Variants in MYO3B observed in about 807,000 individuals in gnomAD.
MYO3B encodes myosin IIIB, also known as myosin-IIIb.
Under a neutral mutation model 174.6 loss-of-function variants are expected in MYO3B, and 156 were observed. That is an observed-to-expected ratio of 0.89 (90% CI 0.78 to 1.02). The LOEUF (loss-of-function observed/expected upper bound fraction) is 1.02. Among genes scored for constraint, MYO3B ranks in the 50% least tolerant of loss-of-function variants. The pLI is 0.00. For synonymous variants in MYO3B, 563 were observed against 569.1 expected (o/e 0.99, Z 0.15); for missense variants, 1,632 against 1,639.4 (o/e 1.00, Z 0.08).
intron 7 of MYO3B, among the ~76,000 whole-genome samples, chr2:170,266,209 A>T (rs2093382025): frequency 6.6e-6 from 1 of 152,196 alleles, no homozygotes; most frequent in South Asian, 2.1e-4. Context: ...AGCCTCATGT[A>T]TATAGCTCCC....
intron 7 of MYO3B, chr2:170,334,096 A>G (rs2093930513): frequency 6.6e-6 from 1 of 152,182 alleles, no homozygotes; most frequent in African/African-American, 2.4e-5. Flanking sequence ...TGATGTCCAC[A>G]ATGGCTGCTC....
intron 24 of MYO3B, 71 bp downstream of exon 24, chr2:170,463,516 C>G: frequency 7.5e-7 from 1 of 1,326,018 alleles, no homozygotes; most frequent in Non-Finnish European, 1.1e-6. Context: ...TATGAGATGC[C>G]CAGATGGAGT....
chr2:170,392,217 C>T (rs1179191906), intron 15 of MYO3B, among the ~76,000 whole-genome samples, 164 bp from the exon 16 acceptor site: 3 of 151,850 alleles, frequency 2.0e-5, no homozygotes, highest in Non-Finnish European at 4.4e-5. Context: ...CACTAGAGCC[C>T]AGGAGTTCAA....
In MYO3B at chr2:170,651,642, C is replaced by A; in HGVS notation, c.3748C>A (p.Leu1250Ile). ...TCTTTTTTCAGGTTCAGAAAATGGT[C>A]TTGCACAGAAGCATCGAACACCTCG... ...APQKPGSENG[L>I]AQKHRTPRRR... The change falls in exon 33 of 35, where the codon CTT becomes ATT. Residue 1250 changes from leucine (L) to isoleucine (I), a missense_variant. By Grantham distance (5) the Leu-to-Ile change is conservative. Coordinates refer to ENST00000408978, the MANE Select transcript of MYO3B (RefSeq NM_138995.5). 6.2e-7 allele frequency: 1 copy of A among 1,614,074 alleles called. No homozygotes were observed. Among genetic ancestry groups the A allele is most frequent in the Non-Finnish European group, 8.5e-7 (1 of 1,179,986 alleles).
At chr2:170,560,862 TG>T (rs1162897723) in intron 32 of MYO3B, among the ~76,000 whole-genome samples, 1 of 152,220 alleles carries the variant, frequency 6.6e-6, no homozygotes, top group Non-Finnish European at 1.5e-5. Context: ...CTCATTAGCC[TG>T]GGTGAATGCT....
Position 170,470,746 on chromosome 2 carries a change from G to T in MYO3B, c.3014+4035G>T, listed in dbSNP as rs180769701. Among the ~76,000 whole-genome samples the T allele has an allele frequency of 1.1e-4, 17 of 152,190 alleles. No individual in the cohort carries two copies. In the East Asian group the frequency reaches 2.5e-3, roughly 22 times the overall value. ...TCGTCTCCAACATTTATTATTGTTT[G>T]TCTTTTTTATTTTAGTCATTCTAGT... On this transcript the variant is annotated intron_variant, in intron 25 of 34. Coordinates refer to ENST00000408978, the MANE Select transcript of MYO3B (RefSeq NM_138995.5).
At chr2:170,314,945 C>T (rs1197158571) in intron 7 of MYO3B, among the ~76,000 whole-genome samples, 3 of 152,312 alleles carry the variant, frequency 2.0e-5, no homozygotes, top group African/African-American at 4.8e-5. Flanking sequence ...TCAGTATCCA[C>T]GTATTTCATT....
At chr2:170,231,830 G>T (rs2093018977) in intron 6 of MYO3B, among the ~76,000 whole-genome samples, 1 of 152,222 alleles carries the variant, frequency 6.6e-6, no homozygotes, top group Non-Finnish European at 1.5e-5. Context: ...ACTACCCAAA[G>T]ATCACTTACT....
chr2:170,600,101 A>G (rs916822350), intron 32 of MYO3B, among the ~76,000 whole-genome samples: 7 of 150,338 alleles, frequency 4.7e-5, no homozygotes, highest in Middle Eastern at 3.2e-3. Context: ...ACAATAGAGA[A>G]CTCTGAAGAT....
chr2:170,454,639 C>T (rs899917996), intron 23 of MYO3B, among the ~76,000 whole-genome samples: 3 of 152,146 alleles, frequency 2.0e-5, no homozygotes, highest in Non-Finnish European at 2.9e-5. Context: ...TACCGAACCA[C>T]GGGCAGGTAG....
At chr2:170,639,462 G>A (rs1470292473) in intron 32 of MYO3B, among the ~76,000 whole-genome samples, 1 of 152,216 alleles carries the variant, frequency 6.6e-6, no homozygotes, top group Non-Finnish European at 1.5e-5. Flanking sequence ...TCATCTCCAC[G>A]TGAAAGTACG....
At chr2:170,333,659 G>A (rs968214300) in intron 7 of MYO3B, among the ~76,000 whole-genome samples, 3 of 151,944 alleles carry the variant, frequency 2.0e-5, no homozygotes, top group African/African-American at 4.8e-5. Context: ...GTCTTGGTAC[G>A]TATTGTTTTC....
chr2:170,549,092 T>G (rs1690718767), intron 32 of MYO3B, among the ~76,000 whole-genome samples: 1 of 152,212 alleles, frequency 6.6e-6, no homozygotes, highest in African/African-American at 2.4e-5. Flanking sequence ...ATGTAGTACC[T>G]ATATTAGGTA....
At position 170,519,429 on chromosome 2, in the gene MYO3B, TTC is replaced by T; in HGVS notation, c.3473-4_3473-3del. The stretch of plus-strand genomic sequence containing the variant: ...AACATATGCTTAGCCCTCCTTTCTT[TTC>T]TCTCAGTTCTCAGGGGCTCTGTACA... On this transcript the variant is annotated splice_region_variant and splice_polypyrimidine_tract_variant and intron_variant, in intron 29 of 34. Coordinates refer to ENST00000408978, the MANE Select transcript of MYO3B (RefSeq NM_138995.5). 1 of 1,612,452 alleles carries T rather than the reference TTC, an allele frequency of 6.2e-7. No individual in the cohort carries two copies. The highest frequency in any genetic ancestry group is 8.5e-7 in the Non-Finnish European group (1 of 1,178,878).
intron 6 of MYO3B, among the ~76,000 whole-genome samples, chr2:170,218,686 T>C (rs2092857910): frequency 6.6e-6 from 1 of 152,236 alleles, no homozygotes; most frequent in African/African-American, 2.4e-5. Flanking sequence ...AACTGTTACA[T>C]CTGTGTTGGC....
At chr2:170,378,323 C>CAT (rs942584454) in intron 9 of MYO3B, among the ~76,000 whole-genome samples, 5 of 152,054 alleles carry the variant, frequency 3.3e-5, no homozygotes, top group Admixed American at 6.6e-5. Flanking sequence ...TAGTGCTACA[C>CAT]ATATATATAT....
intron 7 of MYO3B, among the ~76,000 whole-genome samples, chr2:170,239,945 G>A (rs562014648): frequency 6.6e-5 from 10 of 152,296 alleles, no homozygotes; most frequent in African/African-American, 1.4e-4. Context: ...GTAAGAATCC[G>A]TCTTTGCCTC....
chr2:170,292,128 C>T (rs1237601438), intron 7 of MYO3B, among the ~76,000 whole-genome samples: 1 of 152,034 alleles, frequency 6.6e-6, no homozygotes, highest in East Asian at 1.9e-4. Flanking sequence ...TTTCACTCTT[C>T]TTTTTTCTCT....
At chr2:170,614,626 C>G (rs1695329571) in intron 32 of MYO3B, among the ~76,000 whole-genome samples, 1 of 152,192 alleles carries the variant, frequency 6.6e-6, no homozygotes, top group East Asian at 1.9e-4. Flanking sequence ...GATTCTGATT[C>G]AGTAGGTCTG....
Sources: allele counts gnomAD v4.1 joint callset (sites outside exome capture counted in the v4.1 genomes callset), GRCh38; gene constraint gnomAD v4.1.1; transcripts MANE v1.5; gene names NCBI Gene and HGNC (gene_info 2026-07-23, HGNC 2026-07-21).